Variants in OLFM1 observed in about 807,000 individuals in gnomAD.
OLFM1 encodes noelin.
A neutral mutation model predicts 49.7 loss-of-function variants in OLFM1; 9 were observed. The observed-to-expected ratio is 0.18, with a 90% CI of 0.11 to 0.32. The LOEUF (loss-of-function observed/expected upper bound fraction) is 0.32, where lower values mean the gene tolerates loss of function less well. OLFM1 is among the 10% of genes least tolerant of loss of function. OLFM1 has a pLI of 1.00. For synonymous variants in OLFM1, 240 were observed against 271.8 expected (o/e 0.88, Z 1.15); for missense variants, 369 against 661.8 (o/e 0.56, Z 4.85).
chr9:135,093,223 C>T (rs1830739462), intron 2 of OLFM1, among the ~76,000 whole-genome samples: 1 of 152,200 alleles, frequency 6.6e-6, no homozygotes, highest in African/African-American at 2.4e-5. Context: ...CCAGGTAGTT[C>T]CATGCAGCTA....
chr9:135,109,341 C>T (rs993442534), intron 5 of OLFM1, among the ~76,000 whole-genome samples: 4 of 152,202 alleles, frequency 2.6e-5, no homozygotes, highest in Non-Finnish European at 5.9e-5. Flanking sequence ...GCAAAGCTGT[C>T]GCGGTGCTGA....
At position 135,108,581 on chromosome 9, in the gene OLFM1, C is replaced by T. The variant is rs142567012; in HGVS notation, c.783+1726C>T. On this transcript the variant is annotated intron_variant, in intron 5 of 5. Coordinates refer to ENST00000371793, the MANE Select transcript of OLFM1 (RefSeq NM_001282611.2). ...CTGGGAGGCAGAGGTTGCAGTGAGC[C>T]GAGATCATGCTACTGCACTCCAGCC... Among the ~76,000 whole-genome samples, 771 of 151,310 alleles carry T rather than the reference C, an allele frequency of 5.1e-3. 4 individuals are homozygous for T. Among genetic ancestry groups the T allele is most frequent in the African/African-American group, 0.015 (614 of 41,144 alleles).
chr9:135,087,997 T>C lies in OLFM1; in HGVS notation c.8T>C (p.Val3Ala). 1 of 1,450,658 alleles carries C rather than the reference T, an allele frequency of 6.9e-7. No individual in the cohort carries two copies. Among genetic ancestry groups the C allele is most frequent in the Non-Finnish European group, 9.2e-7 (1 of 1,092,660 alleles). 89.9% of individuals were successfully genotyped at this position (1,450,658 alleles called of 1,614,324 possible). A position where few individuals can be genotyped will look rare whatever the true frequency, so the allele number is the denominator to read the frequency against. Residue 3 changes from valine to alanine, a missense_variant, in exon 1 of 6, where the codon GTG becomes GCG. By Grantham distance (64) the Val-to-Ala change is moderately conservative. Transcript: ENST00000371793. The stretch of plus-strand genomic sequence containing the variant: ...GAGGCAGCTCGAGGCGCGATGTCGG[T>C]GCCGCTGCTCAAGATCGGGGTCGTG... MS[V>A]PLLKIGVVLS...
upstream of OLFM1, among the ~76,000 whole-genome samples, chr9:135,084,059 G>A (rs1344169569): frequency 6.6e-6 from 1 of 152,226 alleles, no homozygotes; most frequent in Non-Finnish European, 1.5e-5. This position sits in a 1 kb window ranked among gnomAD's most constrained non-coding sequence, Gnocchi z 4.6. Flanking sequence ...GGCCTCAGAG[G>A]AGGGGAGTAC....
At chr9:135,101,873 A>AG (rs1162295414) in intron 4 of OLFM1, among the ~76,000 whole-genome samples, 1 of 152,200 alleles carries the variant, frequency 6.6e-6, no homozygotes, top group African/African-American at 2.4e-5. Context: ...ATGAGGGGTG[A>AG]GGGGGCCAGC....
chr9:135,112,063 C>G (rs1002003041), intron 5 of OLFM1, among the ~76,000 whole-genome samples: 1 of 152,216 alleles, frequency 6.6e-6, no homozygotes, highest in Non-Finnish European at 1.5e-5. Context: ...AGAAAGGGCA[C>G]ACCTGCACAG....
exon 1 of OLFM1, chr9:135,075,687 G>T (rs757692676): frequency 1.3e-6 from 2 of 1,563,670 alleles, no homozygotes; most frequent in Non-Finnish European, 8.6e-7. Context: ...CCGCCGGCCG[G>T]CCAGCACCCA....
At chr9:135,084,116 C>T (rs561349495), upstream of OLFM1, among the ~76,000 whole-genome samples, 7 of 152,342 alleles carry the variant, frequency 4.6e-5, no homozygotes, top group East Asian at 1.2e-3. The surrounding 1 kb of genome is among the most constrained non-coding windows in gnomAD (Gnocchi z 4.6). Context: ...CTGTGGCTGC[C>T]GAGAGGGAGT....
At chr9:135,103,254 G>C (rs1028467408) in intron 4 of OLFM1, among the ~76,000 whole-genome samples, 10 of 152,206 alleles carry the variant, frequency 6.6e-5, no homozygotes, top group Non-Finnish European at 1.3e-4. Context: ...GGAGAGGGAC[G>C]CTTTCCTGAA....
intron 5 of OLFM1, among the ~76,000 whole-genome samples, chr9:135,111,405 G>T (rs1252122005): frequency 6.6e-6 from 1 of 152,288 alleles, no homozygotes; most frequent in East Asian, 1.9e-4. Context: ...GGCTCTCAGG[G>T]ACTGTAGCGC....
In OLFM1 at chr9:135,098,563, A is replaced by C; in HGVS notation, c.676+58A>C. The C allele has an allele frequency of 1.4e-6, 2 of 1,477,716 alleles. No individual in the cohort carries two copies. The highest frequency in any genetic ancestry group is 1.9e-6 in the Non-Finnish European group (2 of 1,061,446). 91.5% of individuals were successfully genotyped at this position (1,477,716 alleles called of 1,614,324 possible). ...CACTGCCCACCTCCGGCACACGCAC[A>C]GGCTTAGGGAGTGGTGCTGAAGTGG... On this transcript the variant is annotated intron_variant, in intron 4 of 5. Coordinates refer to ENST00000371793, the MANE Select transcript of OLFM1 (RefSeq NM_001282611.2). This position sits in a 1 kb window ranked among gnomAD's most constrained non-coding sequence, Gnocchi z 5.6.
intron 5 of OLFM1, among the ~76,000 whole-genome samples, chr9:135,116,960 ATTT>A (rs35332065): frequency 6.6e-6 from 1 of 151,146 alleles, no homozygotes; most frequent in South Asian, 2.1e-4. Flanking sequence ...GAAGGTTATA[ATTT>A]TTTTTTAATT....
chr9:135,112,793 C>T (rs1342056744), intron 5 of OLFM1, among the ~76,000 whole-genome samples: 4 of 152,112 alleles, frequency 2.6e-5, no homozygotes, highest in African/African-American at 4.8e-5. Flanking sequence ...GGGGCACAGA[C>T]GGACCACCAC....
At chr9:135,096,530 G>T (rs977704411) in intron 3 of OLFM1, among the ~76,000 whole-genome samples, 1 of 152,276 alleles carries the variant, frequency 6.6e-6, no homozygotes, top group Admixed American at 6.5e-5. Flanking sequence ...CACCTTGACA[G>T]GGGCGGCCTG....
At chr9:135,090,982 T>C (rs1830677838) in intron 2 of OLFM1, among the ~76,000 whole-genome samples, 1 of 152,236 alleles carries the variant, frequency 6.6e-6, no homozygotes, top group Admixed American at 6.5e-5. Context: ...GAATCCGTTA[T>C]TTCACTTAAT....
In OLFM1 at chr9:135,089,213, G is replaced by C. The variant is rs534001685; in HGVS notation, c.151-982G>C. Among the ~76,000 whole-genome samples the C allele has an allele frequency of 4.6e-5, 7 of 152,310 alleles. No individual in the cohort carries two copies. The East Asian group carries it at 1.4e-3, about 29-fold the overall frequency. ...CATGATGACTTTGTTCCGGCCTGCC[G>C]GTCCCGATCTTCTGGGGTTGGGAAT... On this transcript the variant is annotated intron_variant, in intron 1 of 5. Transcript: ENST00000371793.
At chr9:135,075,987 C>T (rs1317444859) in intron 1 of OLFM1, 16 of 1,433,544 alleles carry the variant, frequency 1.1e-5, no homozygotes, top group Admixed American at 2.9e-5. Flanking sequence ...GGGAGGGGTG[C>T]AGGCTGACCG....
intron 1 of OLFM1, among the ~76,000 whole-genome samples, chr9:135,078,210 G>A (rs1312605182): frequency 6.6e-6 from 1 of 152,204 alleles, no homozygotes; most frequent in African/African-American, 2.4e-5. Context: ...GGGTGCTGGA[G>A]CTGCCTGGTG....
In OLFM1 at chr9:135,087,768, G is replaced by A. The variant is rs1366811874; in HGVS notation, c.-222G>A. The A allele has an allele frequency of 2.0e-6, 1 of 498,704 alleles. No individual in the cohort carries two copies. Among genetic ancestry groups the A allele is most frequent in the East Asian group, 1.5e-4 (1 of 6,542 alleles). 30.9% of individuals were successfully genotyped at this position (498,704 alleles called of 1,614,324 possible). A position where few individuals can be genotyped will look rare whatever the true frequency, so the allele number is the denominator to read the frequency against. ...GGCGGCGCGAGGCGCAGGGCGCGGC[G>A]GGCAGAGGCCACCTGGCCACCTTCC... On this transcript the variant is annotated 5_prime_UTR_variant, in exon 1 of 6. Coordinates refer to ENST00000371793, the MANE Select transcript of OLFM1 (RefSeq NM_001282611.2).
Sources: gnomAD v4.1 joint callset for allele counts (sites outside exome capture counted in the v4.1 genomes callset) on GRCh38, gnomAD v4.1.1 for gene constraint, Gnocchi (gnomAD v3.1) non-coding constraint, MANE v1.5 for transcripts, NCBI Gene and HGNC (gene_info 2026-07-23, HGNC 2026-07-21) for gene names.